The following EPM2A variants were observed in gnomAD, a reference collection of about 807,000 sequenced individuals.
The protein encoded by EPM2A is laforin.
EPM2A carries 21 observed loss-of-function variants against 26.5 expected under a neutral mutation model. That is an observed-to-expected ratio of 0.79 (90% CI 0.56 to 1.14). EPM2A has a LOEUF of 1.14. Ranked by LOEUF, EPM2A falls within the 50% of genes most tolerant of loss-of-function variation. The probability of loss-of-function intolerance (pLI) is 0.00; values close to 1 mark genes in which losing one functional copy is unlikely to be tolerated. For synonymous variants in EPM2A, 217 were observed against 177.6 expected (o/e 1.22, Z -1.76); for missense variants, 458 against 440.8 (o/e 1.04, Z -0.35).
At chr6:145,704,228 T>C (rs879296111) in intron 1 of EPM2A, among the ~76,000 whole-genome samples, 3 of 152,128 alleles carry the variant, frequency 2.0e-5, no homozygotes, top group Admixed American at 6.5e-5. Flanking sequence ...CTGAATTCTT[T>C]GAGAGAAAGG....
intron 2 of EPM2A, among the ~76,000 whole-genome samples, chr6:145,602,715 T>C (rs1781431339): frequency 6.6e-6 from 1 of 152,228 alleles, no homozygotes; most frequent in African/African-American, 2.4e-5. Flanking sequence ...CCTAATTTCA[T>C]TTTCTGTTAG....
At chr6:145,495,182 T>C (rs376029777) in intron 4 of EPM2A, among the ~76,000 whole-genome samples, 3 of 152,324 alleles carry the variant, frequency 2.0e-5, no homozygotes, top group African/African-American at 7.2e-5. Flanking sequence ...GTTGGGTACA[T>C]ATATGTTTAG....
chr6:145,548,220 T>C (rs1279199445), intron 2 of EPM2A, among the ~76,000 whole-genome samples: 1 of 152,106 alleles, frequency 6.6e-6, no homozygotes, highest in African/African-American at 2.4e-5. Flanking sequence ...CTGACCTTCT[T>C]CTCTTTCTGA....
chr6:145,672,748 A>G (rs1424463248), intron 2 of EPM2A, among the ~76,000 whole-genome samples: 1 of 152,246 alleles, frequency 6.6e-6, no homozygotes, highest in Non-Finnish European at 1.5e-5. Flanking sequence ...TATTATGTAC[A>G]TTGGAAGCAG....
chr6:145,692,153 A>T (rs1488214405), intron 1 of EPM2A, among the ~76,000 whole-genome samples: 1 of 152,052 alleles, frequency 6.6e-6, no homozygotes, highest in Non-Finnish European at 1.5e-5. Flanking sequence ...TAAAGTATCA[A>T]TCTAACAAGA....
At chr6:145,577,493 A>G (rs963828670) in intron 2 of EPM2A, among the ~76,000 whole-genome samples, 1 of 152,110 alleles carries the variant, frequency 6.6e-6, no homozygotes, top group Non-Finnish European at 1.5e-5. Flanking sequence ...ACAAAAGGAT[A>G]TAACAATAGT....
chr6:145,452,699 A>T (rs1484558890), intron 4 of EPM2A, among the ~76,000 whole-genome samples: 2 of 151,810 alleles, frequency 1.3e-5, no homozygotes, highest in East Asian at 3.9e-4. Context: ...AAAAAAAAAA[A>T]AAAAATCCAG....
chr6:145,554,605 A>T (rs1780701855), intron 2 of EPM2A, among the ~76,000 whole-genome samples: 1 of 152,088 alleles, frequency 6.6e-6, no homozygotes, highest in African/African-American at 2.4e-5. Context: ...GGAGGCTAGG[A>T]GGTCCAATAC....
intron 2 of EPM2A, among the ~76,000 whole-genome samples, chr6:145,525,080 C>T (rs571931225): frequency 5.3e-5 from 8 of 151,844 alleles, no homozygotes; most frequent in Admixed American, 2.0e-4. Context: ...GATGACTGTA[C>T]GTATGCAGCT....
intron 2 of EPM2A, among the ~76,000 whole-genome samples, chr6:145,535,153 G>T (rs1052786177): frequency 2.0e-5 from 3 of 152,106 alleles, no homozygotes; most frequent in Admixed American, 6.6e-5. Context: ...GTCAACAGCC[G>T]CACCCTTGGA....
downstream of EPM2A, among the ~76,000 whole-genome samples, chr6:145,500,602 C>A (rs1779876643): frequency 6.6e-6 from 1 of 152,148 alleles, no homozygotes; most frequent in Non-Finnish European, 1.5e-5. Flanking sequence ...GTTCCTGTTT[C>A]TGCTACACCA....
chr6:145,433,606 C>T (rs886633175), intron 4 of EPM2A, among the ~76,000 whole-genome samples: 2 of 151,920 alleles, frequency 1.3e-5, no homozygotes, highest in Non-Finnish European at 2.9e-5. Flanking sequence ...TAGTTTAAAC[C>T]TCATAATACA....
At chr6:145,542,228 T>C (rs982334391) in intron 2 of EPM2A, among the ~76,000 whole-genome samples, 13 of 152,212 alleles carry the variant, frequency 8.5e-5, no homozygotes, top group African/African-American at 3.1e-4. Flanking sequence ...CCAAATTTCA[T>C]GTGGGATGCT....
chr6:145,469,118 T>C lies in EPM2A; in HGVS notation c.555+33404A>G, dbSNP rs572574134. Among the ~76,000 whole-genome samples the C allele has an allele frequency of 3.0e-3, 455 of 152,226 alleles. 3 individuals carry two copies. The highest frequency in any genetic ancestry group is 0.01 in the Middle Eastern group (3 of 294). On this transcript the variant is annotated intron_variant, in intron 4 of 4. Coordinates refer to the EPM2A transcript ENST00000638717. ...AGAAGCCTCAGGAAACTTACAATTA[T>C]GGCAGAAGGCAAAGGGGAAGAAAGG...
In EPM2A at chr6:145,666,517, C is replaced by T. The variant is rs370314745; in HGVS notation, c.476+19605G>A. ...CACTGCTCAAGGAAATAAAAGAGGA[C>T]ACAAACAAATGGAAGAACATTCCAT... On this transcript the variant is annotated intron_variant, in intron 2 of 3. Transcript: ENST00000367519. Among the ~76,000 whole-genome samples, 536 of 54,770 alleles carry T rather than the reference C, an allele frequency of 9.8e-3. 3 individuals are homozygous for T. The highest frequency in any genetic ancestry group is 0.047 in the African/African-American group (417 of 8,804). The allele number at this position is 54,770 out of a possible 152,430, so 35.9% of individuals were successfully genotyped here.
intron 2 of EPM2A, among the ~76,000 whole-genome samples, chr6:145,585,396 A>G (rs1582876143): frequency 6.6e-6 from 1 of 152,228 alleles, no homozygotes; most frequent in South Asian, 2.1e-4. Flanking sequence ...CAGCTCAGTA[A>G]TGTTCATTTC....
At chr6:145,479,167 G>C (rs1174492435) in intron 4 of EPM2A, among the ~76,000 whole-genome samples, 1 of 150,468 alleles carries the variant, frequency 6.6e-6, no homozygotes, top group East Asian at 1.9e-4. Context: ...CAGTAGTAAA[G>C]ATCTGTCCTC....
At chr6:145,411,817 A>G (rs535751501) in intron 4 of EPM2A, among the ~76,000 whole-genome samples, 5 of 152,328 alleles carry the variant, frequency 3.3e-5, no homozygotes, top group East Asian at 1.9e-4. Context: ...GTTTGAATTC[A>G]TGTCTATGTG....
intron 4 of EPM2A, among the ~76,000 whole-genome samples, chr6:145,452,316 T>TGAAAA (rs1779205152): frequency 6.6e-6 from 1 of 151,938 alleles, no homozygotes; most frequent in African/African-American, 2.4e-5. Context: ...TCCAAGGGCC[T>TGAAAA]TTTCAGTTCT....
Sources: gnomAD v4.1 joint callset for allele counts (sites outside exome capture counted in the v4.1 genomes callset) on GRCh38, gnomAD v4.1.1 for gene constraint, MANE v1.5 for transcripts, NCBI Gene and HGNC (gene_info 2026-07-23, HGNC 2026-07-21) for gene names.